LATS2: variants seen among roughly 807,000 people sequenced by gnomAD.
LATS2 encodes large tumor suppressor kinase 2.
LATS2 carries 24 observed loss-of-function variants against 76.0 expected under a neutral mutation model. The observed-to-expected ratio is 0.32, with a 90% CI of 0.23 to 0.44. The LOEUF is 0.44. Among genes scored for constraint, LATS2 ranks in the 20% least tolerant of loss-of-function variants. The pLI is 1.00. For synonymous variants in LATS2, 692 were observed against 635.4 expected (o/e 1.09, Z -1.34); for missense variants, 1,286 against 1,481.2 (o/e 0.87, Z 2.16).
intron 1 of LATS2, among the ~76,000 whole-genome samples, chr13:21,049,779 T>A (rs1873198275): frequency 1.3e-5 from 2 of 151,664 alleles, no homozygotes; most frequent in South Asian, 4.2e-4. Context: ...CTGAAGGAGG[T>A]CCTGGTTGAC....
rs1277639163 is a variant in LATS2 at position 20,975,282 on chromosome 13, C to T, written c.2855G>A (p.Cys952Tyr). 1 of 1,613,606 alleles carries T rather than the reference C, an allele frequency of 6.2e-7. No individual in the cohort carries two copies. The highest frequency in any genetic ancestry group is 8.5e-7 in the Non-Finnish European group (1 of 1,179,732). The change falls in exon 8 of 8, where the codon TGC (cysteine) becomes TAC (tyrosine). Residue 952 changes from cysteine to tyrosine, a missense_variant. Transcript: ENST00000382592. Reference sequence around the variant, plus strand: ...CCCCAGGCGGTGGTCTGCGGAGCAGCACAGCTTGGTGATGAGGTCCCTGGC... The same window carrying T: ...CCCCAGGCGGTGGTCTGCGGAGCAGTACAGCTTGGTGATGAGGTCCCTGGC... ...PEARDLITKL[C>Y]CSADHRLGRN...
At chr13:21,025,894 T>G (rs1201767557) in intron 2 of LATS2, among the ~76,000 whole-genome samples, 1 of 152,184 alleles carries the variant, frequency 6.6e-6, no homozygotes, top group Admixed American at 6.5e-5. Flanking sequence ...ACCGTGACTC[T>G]CTGACTAGGA....
At position 21,013,327 on chromosome 13, in the gene LATS2, C is replaced by T. The variant is rs61950260; in HGVS notation, c.343-21923G>A. Among the ~76,000 whole-genome samples, 1,094 of 152,242 alleles carry T rather than the reference C, an allele frequency of 7.2e-3. 10 individuals are homozygous for T. Among genetic ancestry groups the T allele is most frequent in the Middle Eastern group, 0.01 (3 of 294 alleles). ...TCCTGGCTCAGTACTTATCCTGGCT[C>T]GATGCCTAATAATAATCTCATTTCT... is the stretch of plus-strand genomic sequence containing the variant. On this transcript the variant is annotated intron_variant, in intron 2 of 7. Coordinates refer to ENST00000382592, the MANE Select transcript of LATS2 (RefSeq NM_014572.3).
At chr13:20,998,306 T>C (rs577613391) in intron 2 of LATS2, among the ~76,000 whole-genome samples, 1 of 152,022 alleles carries the variant, frequency 6.6e-6, no homozygotes, top group Non-Finnish European at 1.5e-5. Context: ...TGAGCTGAGA[T>C]CATGCCACTG....
intron 2 of LATS2, among the ~76,000 whole-genome samples, chr13:21,017,287 A>G (rs1164080318): frequency 1.3e-5 from 2 of 152,150 alleles, no homozygotes; most frequent in African/African-American, 4.8e-5. Context: ...ATGACTCACA[A>G]TTTCATAAAA....
chr13:21,024,689 T>TA (rs35621454), intron 2 of LATS2, among the ~76,000 whole-genome samples: 100 of 142,930 alleles, frequency 7.0e-4, no homozygotes, highest in African/African-American at 2.0e-3. Context: ...ATACCCACAT[T>TA]AAAAAAAAAA....
Position 20,988,766 on chromosome 13 carries a change from G to C in LATS2, c.1014C>G (p.Phe338Leu). The C allele has an allele frequency of 1.3e-6, 2 of 1,583,910 alleles. No individual in the cohort carries two copies. The highest frequency in any genetic ancestry group is 1.7e-6 in the Non-Finnish European group (2 of 1,171,806). ...GGCTCTGCGGGGGGCTGTCGCTGGC[G>C]AACACCTGGCTGCGGGAGCCCAGCA... ...LHVLGSRSQVFASDSPPQSLL... is the reference protein window; with the variant it reads ...LHVLGSRSQVLASDSPPQSLL... The change falls in exon 4 of 8, where the codon TTC becomes TTG. Residue 338 changes from phenylalanine (F) to leucine (L), a missense_variant. Around this residue, in one of 5 missense-constraint regions of LATS2, gnomAD observed 710 missense variants for 660.9 expected, o/e 1.07. Coordinates refer to ENST00000382592, the MANE Select transcript of LATS2 (RefSeq NM_014572.3).
At chr13:21,035,633 T>G (rs1434536645) in intron 2 of LATS2, among the ~76,000 whole-genome samples, 1 of 152,196 alleles carries the variant, frequency 6.6e-6, no homozygotes, top group African/African-American at 2.4e-5. Flanking sequence ...ACGTTTGGTG[T>G]GACACAACAG....
chr13:20,974,914 C>A lies in LATS2; in HGVS notation c.3223G>T (p.Asp1075Tyr). ...QAESSDLESS[D>Y]LVDQTEGCQP... is the part of the protein sequence containing the mutation. ...CAGCCTTCAGTCTGATCCACCAGAT[C>A]AGAGCTTTCTAAATCTGAGCTCTCA... Residue 1075 changes from aspartate (D) to tyrosine (Y), a missense_variant, in exon 8 of 8, where the codon GAT becomes TAT. By Grantham distance (160) the Asp-to-Tyr change is radical (BLOSUM62 -3). Coordinates refer to ENST00000382592, the MANE Select transcript of LATS2 (RefSeq NM_014572.3). 1.2e-6 allele frequency: 2 copies of A among 1,614,126 alleles called. No homozygotes were observed. The highest frequency in any genetic ancestry group is 1.7e-6 in the Non-Finnish European group (2 of 1,180,016).
intron 4 of LATS2, among the ~76,000 whole-genome samples, chr13:20,987,433 TAAAC>T (rs1870207020): frequency 6.6e-6 from 1 of 152,172 alleles, no homozygotes; most frequent in Non-Finnish European, 1.5e-5. Flanking sequence ...AGTTACTAAC[TAAAC>T]ACTTAAAAGA....
intron 6 of LATS2, among the ~76,000 whole-genome samples, chr13:20,981,231 G>A (rs1385514274): frequency 6.6e-6 from 1 of 152,158 alleles, no homozygotes; most frequent in African/African-American, 2.4e-5. Flanking sequence ...GGTAGAGCCC[G>A]AGGGCCAGCA....
chr13:21,011,712 A>G (rs1023783914), intron 2 of LATS2, among the ~76,000 whole-genome samples: 2 of 152,226 alleles, frequency 1.3e-5, no homozygotes, highest in African/African-American at 4.8e-5. Flanking sequence ...AGTTTCAAAA[A>G]TGATAGAATG....
intron 2 of LATS2, among the ~76,000 whole-genome samples, chr13:21,010,977 C>T (rs1219075078): frequency 1.3e-5 from 2 of 152,242 alleles, no homozygotes; most frequent in African/African-American, 4.8e-5. Context: ...CTTCAGTTTA[C>T]ATTGAAGGCT....
chr13:21,021,978 G>C (rs995233939), intron 2 of LATS2, among the ~76,000 whole-genome samples: 2 of 152,188 alleles, frequency 1.3e-5, no homozygotes, highest in African/African-American at 4.8e-5. Flanking sequence ...TTCTTCGTTA[G>C]AGGAGCTGAT....
chr13:21,042,352 C>G (rs1872906218), intron 2 of LATS2, among the ~76,000 whole-genome samples: 2 of 152,154 alleles, frequency 1.3e-5, no homozygotes, highest in Admixed American at 1.3e-4. Context: ...CAAAAATTCA[C>G]TATGCTGTGT....
In LATS2 at chr13:20,973,203, T is replaced by C. The variant is rs767119587; in HGVS notation, c.*1667A>G. ...TGGCACGACTATAAAATAGCGAGAATACTGACAGTCACGACGACAGGCACA... is the reference window on the plus strand; with the variant it reads ...TGGCACGACTATAAAATAGCGAGAACACTGACAGTCACGACGACAGGCACA... On this transcript the variant is annotated 3_prime_UTR_variant, in exon 8 of 8. Transcript: ENST00000382592. 1 of 232,670 alleles carries C rather than the reference T, an allele frequency of 4.3e-6. No individual in the cohort carries two copies. The highest frequency in any genetic ancestry group is 8.5e-6 in the Non-Finnish European group (1 of 117,464). The allele number at this position is 232,670 out of a possible 1,614,324, so 14.4% of individuals were successfully genotyped here.
chr13:21,004,630 C>T (rs775917304), intron 2 of LATS2, among the ~76,000 whole-genome samples: 10 of 152,180 alleles, frequency 6.6e-5, no homozygotes, highest in Non-Finnish European at 7.3e-5. Flanking sequence ...TTCCTGGCCC[C>T]CTGCCTCCAA....
At chr13:21,019,417 C>T (rs1247922949) in intron 2 of LATS2, among the ~76,000 whole-genome samples, 1 of 149,544 alleles carries the variant, frequency 6.7e-6, no homozygotes, top group Non-Finnish European at 1.5e-5. Flanking sequence ...ACCTCTGCCT[C>T]CCGGGTTCAA....
chr13:21,050,945 G>C (rs112678010), intron 1 of LATS2, among the ~76,000 whole-genome samples: 11 of 152,366 alleles, frequency 7.2e-5, no homozygotes, highest in African/African-American at 1.2e-4. Context: ...CCACGTGAGG[G>C]GGGGCAGGAA....
Sources: gnomAD v4.1 joint callset for allele counts (sites outside exome capture counted in the v4.1 genomes callset) on GRCh38, gnomAD v4.1.1 for gene constraint, gnomAD v4.1.1 regional missense constraint, MANE v1.5 for transcripts, NCBI Gene and HGNC (gene_info 2026-07-23, HGNC 2026-07-21) for gene names.